The following PLPPR5 variants were observed in gnomAD, a reference collection of about 807,000 sequenced individuals.
PLPPR5 encodes the protein phospholipid phosphatase related 5.
A neutral mutation model predicts 33.9 loss-of-function variants in PLPPR5; 16 were observed. The observed-to-expected ratio is 0.47, with a 90% CI of 0.32 to 0.72. The LOEUF is 0.72. PLPPR5 is among the 30% of genes least tolerant of loss of function. The probability of loss-of-function intolerance (pLI) is 0.03; values close to 1 mark genes in which losing one functional copy is unlikely to be tolerated. For synonymous variants in PLPPR5, 163 were observed against 150.3 expected (o/e 1.08, Z -0.62); for missense variants, 301 against 406.7 (o/e 0.74, Z 2.23).
At chr1:98,909,355 A>G (rs1158522505) in intron 5 of PLPPR5, among the ~76,000 whole-genome samples, 1 of 149,722 alleles carries the variant, frequency 6.7e-6, no homozygotes, top group East Asian at 2.0e-4. Context: ...TCTCATCCAC[A>G]TGTTCCTTTC....
intron 5 of PLPPR5, among the ~76,000 whole-genome samples, chr1:98,913,700 C>T (rs776967853): frequency 2.6e-5 from 4 of 152,136 alleles, no homozygotes; most frequent in Non-Finnish European, 4.4e-5. Context: ...ATCAGAACAC[C>T]TGATTAGTGT....
chr1:98,957,261 C>G (rs559168897), intron 1 of PLPPR5, among the ~76,000 whole-genome samples: 193 of 151,590 alleles, frequency 1.3e-3, no homozygotes, highest in African/African-American at 4.5e-3. Context: ...GGGAGCAGCG[C>G]ACCAGCATGG....
At chr1:98,974,466 C>T (rs1357436001) in intron 1 of PLPPR5, among the ~76,000 whole-genome samples, 1 of 152,054 alleles carries the variant, frequency 6.6e-6, no homozygotes, top group Admixed American at 6.6e-5. Context: ...ATGGGTTTGA[C>T]TTAAATGATG....
intron 1 of PLPPR5, among the ~76,000 whole-genome samples, chr1:99,003,769 G>C (rs1652956845): frequency 1.3e-5 from 2 of 152,206 alleles, no homozygotes; most frequent in African/African-American, 2.4e-5. Flanking sequence ...CCAGGGAGCG[G>C]AGCAGCCTTT....
Position 99,004,562 on chromosome 1 carries a change from G to A in PLPPR5, c.110C>T (p.Thr37Ile). The change falls in exon 1 of 6, where the codon ACC becomes ATC. Residue 37 changes from threonine (T) to isoleucine (I), a missense_variant. Thr to Ile is a moderately conservative substitution (Grantham distance 89). Coordinates refer to ENST00000263177, the MANE Select transcript of PLPPR5 (RefSeq NM_001037317.2). ...AYYFEYTDTF[T>I]VNVQGFFCHD... is the part of the protein sequence containing the mutation. ...GCAGAAGAAGCCCTGCACGTTCACG[G>A]TGAACGTGTCCGTATACTCGAAGTA... 6.2e-7 allele frequency: 1 copy of A among 1,613,110 alleles called. No individual in the cohort carries two copies. Among genetic ancestry groups the A allele is most frequent in the East Asian group, 2.2e-5 (1 of 44,828 alleles).
chr1:98,950,743 G>A (rs1650751242), intron 3 of PLPPR5, among the ~76,000 whole-genome samples: 1 of 152,158 alleles, frequency 6.6e-6, no homozygotes, highest in Non-Finnish European at 1.5e-5. Flanking sequence ...AAGTGTAGTT[G>A]AGTGATCATA....
chr1:98,973,760 A>G (rs990266222), intron 1 of PLPPR5, among the ~76,000 whole-genome samples: 2 of 151,872 alleles, frequency 1.3e-5, no homozygotes, highest in Non-Finnish European at 2.9e-5. Flanking sequence ...AAGTGGGCCC[A>G]CTTGGCTGGC....
upstream of PLPPR5, chr1:99,004,939 G>C (rs1353862202): frequency 5.9e-6 from 1 of 169,300 alleles, no homozygotes; most frequent in Non-Finnish European, 1.3e-5. Context: ...CGCCCGCCCC[G>C]GCGCGGGGTC....
At chr1:98,904,074 T>A (rs1174060567) in intron 5 of PLPPR5, among the ~76,000 whole-genome samples, 2 of 152,248 alleles carry the variant, frequency 1.3e-5, no homozygotes, top group Non-Finnish European at 1.5e-5. Context: ...TAATAGTACA[T>A]CCTCATTATA....
chr1:98,958,184 T>A (rs1396622305), intron 1 of PLPPR5, among the ~76,000 whole-genome samples: 1 of 152,232 alleles, frequency 6.6e-6, no homozygotes, highest in Non-Finnish European at 1.5e-5. Flanking sequence ...TAACATGCTA[T>A]ACAGGGAGTC....
Position 98,892,889 on chromosome 1 carries a change from T to A in PLPPR5, c.*183A>T. The A allele has an allele frequency of 1.7e-6, 1 of 591,722 alleles. No homozygotes were observed. The allele number at this position is 591,722 out of a possible 1,614,324, so 36.7% of individuals were successfully genotyped here. ...TGGGGACACAGAAAAAAAAAGACAA[T>A]CCTGCCCTCGAGGAGCTCACAGTCT... On this transcript the variant is annotated 3_prime_UTR_variant, in exon 6 of 6. Transcript: ENST00000263177.
chr1:98,950,087 A>G (rs982393049), intron 3 of PLPPR5, among the ~76,000 whole-genome samples: 1 of 152,224 alleles, frequency 6.6e-6, no homozygotes, highest in Non-Finnish European at 1.5e-5. Context: ...CACTAGGGCT[A>G]AAATAATCTA....
At chr1:98,992,972 C>T (rs1405224469) in intron 1 of PLPPR5, among the ~76,000 whole-genome samples, 1 of 152,072 alleles carries the variant, frequency 6.6e-6, no homozygotes, top group African/African-American at 2.4e-5. Context: ...ATAGGTTAGC[C>T]ACTTAATCTT....
rs1649996602 is a variant in PLPPR5 at position 98,932,065 on chromosome 1, T to C, written c.622-10007A>G. ...AGGTGAAAGTGCGGTGAGGGAGGAA[T>C]AAAACATAACAAGTCTCAGGCCTCA... On this transcript the variant is annotated intron_variant, in intron 3 of 5. Transcript: ENST00000263177. Among the ~76,000 whole-genome samples, 4 of 152,206 alleles carry C rather than the reference T, an allele frequency of 2.6e-5. No homozygotes were observed. The South Asian group carries it at 8.3e-4, about 32-fold the overall frequency.
chr1:98,953,355 TTGTGTG>T lies in PLPPR5; in HGVS notation c.371-41_371-36del, dbSNP rs58092870. 6,382 of 1,377,820 alleles carry T rather than the reference TTGTGTG, an allele frequency of 4.6e-3. 20 individuals carry two copies. The highest frequency in any genetic ancestry group is 0.034 in the African/African-American group (1,985 of 58,940). 85.3% of individuals were successfully genotyped at this position (1,377,820 alleles called of 1,614,324 possible). ...AAAACAAATAATTTTAACTTCTTGCTTGTGTGTGTGTGTGTGTGTGTGTGTGTGTGT... is the reference window on the plus strand; with the variant it reads ...AAAACAAATAATTTTAACTTCTTGCTTGTGTGTGTGTGTGTGTGTGTGTGT... On this transcript the variant is annotated intron_variant, in intron 2 of 5. Transcript: ENST00000263177.
At chr1:99,003,057 A>G (rs1461528875) in intron 1 of PLPPR5, among the ~76,000 whole-genome samples, 1 of 5,236 alleles carries the variant, frequency 1.9e-4, no homozygotes, top group Non-Finnish European at 5.1e-4. Context: ...CTTATTTTAC[A>G]TATATATATA....
At chr1:98,970,652 C>G (rs913530363) in intron 1 of PLPPR5, among the ~76,000 whole-genome samples, 1 of 151,878 alleles carries the variant, frequency 6.6e-6, no homozygotes, top group Non-Finnish European at 1.5e-5. Context: ...CCTCACAACT[C>G]CCCTATGAGG....
At chr1:98,989,421 G>A (rs1652373989) in intron 1 of PLPPR5, among the ~76,000 whole-genome samples, 1 of 152,062 alleles carries the variant, frequency 6.6e-6, no homozygotes, top group Non-Finnish European at 1.5e-5. Flanking sequence ...TCAAAGAAAT[G>A]CTTAATCATG....
chr1:98,944,138 T>A (rs1650472056), intron 3 of PLPPR5, among the ~76,000 whole-genome samples: 1 of 152,154 alleles, frequency 6.6e-6, no homozygotes, highest in Admixed American at 6.5e-5. Context: ...TTTGGGGAGA[T>A]AAATCCTACA....
Sources: gnomAD v4.1 joint callset for allele counts (sites outside exome capture counted in the v4.1 genomes callset) on GRCh38, gnomAD v4.1.1 for gene constraint, MANE v1.5 for transcripts, NCBI Gene and HGNC (gene_info 2026-07-23, HGNC 2026-07-21) for gene names.